The following SMCHD1 variants were observed in gnomAD, a reference collection of about 807,000 sequenced individuals.
The protein encoded by SMCHD1 is structural maintenance of chromosomes flexible hinge domain containing 1, also known as structural maintenance of chromosomes flexible hinge domain-containing protein 1.
A neutral mutation model predicts 254.7 loss-of-function variants in SMCHD1; 78 were observed. The observed-to-expected ratio is 0.31, with a 90% confidence interval of 0.26 to 0.37. The LOEUF (loss-of-function observed/expected upper bound fraction) is 0.37. Among genes scored for constraint, SMCHD1 ranks in the 10% least tolerant of loss-of-function variants. The pLI is 1.00. For synonymous variants in SMCHD1, 766 were observed against 794.9 expected, an observed-to-expected ratio of 0.96 and a Z score of 0.61; for missense variants, 1,840 against 2,408.1, an observed-to-expected ratio of 0.76 and a Z score of 4.94.
chr18:2,664,526 G>A (rs1343905408), intron 1 of SMCHD1, among the ~76,000 whole-genome samples: 1 of 152,036 alleles, frequency 6.6e-6, no homozygotes, highest in Non-Finnish European at 1.5e-5. Context: ...TACTTAATTT[G>A]TTTTATCTCC....
chr18:2,793,646 G>C (rs541516824), intron 45 of SMCHD1, among the ~76,000 whole-genome samples: 1 of 84,906 alleles, frequency 1.2e-5, no homozygotes, highest in East Asian at 7.8e-4. Flanking sequence ...GCCTGGGCGA[G>C]ACTCCGTCTC....
intron 45 of SMCHD1, among the ~76,000 whole-genome samples, chr18:2,789,071 G>T (rs1345714761): frequency 6.6e-6 from 1 of 152,164 alleles, no homozygotes; most frequent in African/African-American, 2.4e-5. Flanking sequence ...CCAGGCTGGA[G>T]TGCAGTGGCA....
At chr18:2,701,154 A>ATT in intron 12 of SMCHD1, 6 of 281,790 alleles carry the variant, frequency 2.1e-5, no homozygotes, top group Non-Finnish European at 3.2e-5. Context: ...TATCTTCATT[A>ATT]GTTTTTTTTG....
chr18:2,739,773 A>T (rs1051990729), intron 27 of SMCHD1, among the ~76,000 whole-genome samples: 2 of 152,180 alleles, frequency 1.3e-5, no homozygotes, highest in Non-Finnish European at 2.9e-5. Flanking sequence ...TAATATTACT[A>T]GTTAGAAGTT....
intron 37 of SMCHD1, among the ~76,000 whole-genome samples, chr18:2,768,905 T>C (rs999463828): frequency 4.6e-5 from 7 of 152,204 alleles, no homozygotes; most frequent in Admixed American, 4.6e-4. Context: ...AATGGTGGGC[T>C]TGTATTCTAT....
intron 7 of SMCHD1, among the ~76,000 whole-genome samples, chr18:2,690,624 A>G (rs975047602): frequency 6.7e-6 from 1 of 149,780 alleles, no homozygotes; most frequent in Non-Finnish European, 1.5e-5. Flanking sequence ...GGCACATGCC[A>G]CCACACCTGG....
chr18:2,725,197 T>C (rs949978129), intron 21 of SMCHD1, among the ~76,000 whole-genome samples: 1 of 152,048 alleles, frequency 6.6e-6, no homozygotes, highest in Admixed American at 6.6e-5. Flanking sequence ...ACTACTGTTG[T>C]TGATTAAACA....
At chr18:2,704,006 A>G (rs2074459689) in intron 13 of SMCHD1, 120 bp downstream of exon 13, 9 of 712,924 alleles carry the variant, frequency 1.3e-5, no homozygotes, top group East Asian at 3.2e-5. Context: ...TCCCATTCTC[A>G]CATTTCATGA....
chr18:2,767,584 C>CTTTTTTTTTTTTTTTTTTTTTTTTTTT (rs397858216), intron 37 of SMCHD1, among the ~76,000 whole-genome samples: 1 of 89,250 alleles, frequency 1.1e-5, no homozygotes, highest in Non-Finnish European at 2.0e-5. Context: ...AACCTATTTC[C>CTTTTTTTTTTTTTTTTTTTTTTTTTTT]TTTTTTTTTT....
rs1004414936 is a variant in SMCHD1, at chr18:2,656,029, G to C, written c.-47G>C. ...CGCGCGGAGCGCGCACCTCAGCCCTGAGCCCGGCGGCGGCAGGCGTCGCTG... is the reference window on the plus strand; with the variant it reads ...CGCGCGGAGCGCGCACCTCAGCCCTCAGCCCGGCGGCGGCAGGCGTCGCTG... On this transcript the variant is annotated 5_prime_UTR_variant, in exon 1 of 48. Transcript: ENST00000320876. 7.7e-6 allele frequency: 10 copies of C among 1,303,970 alleles called. No individual in the cohort carries two copies. In the South Asian group the frequency reaches 1.8e-4, roughly 24 times the overall value. 80.8% of individuals were successfully genotyped at this position (1,303,970 alleles called of 1,614,324 possible).
At chr18:2,778,296 C>A (rs891605632) in intron 44 of SMCHD1, 57 bp downstream of exon 44, 11 of 1,195,430 alleles carry the variant, frequency 9.2e-6, no homozygotes, top group African/African-American at 3.0e-5. Context: ...TGTATCATGT[C>A]CATTTGATGA....
chr18:2,764,931 T>C (rs2075842367), intron 37 of SMCHD1, among the ~76,000 whole-genome samples: 1 of 152,164 alleles, frequency 6.6e-6, no homozygotes, highest in South Asian at 2.1e-4. Flanking sequence ...TTTAAGCCTT[T>C]TGGTAGTTAC....
At position 2,771,637 on chromosome 18, in the gene SMCHD1, C is replaced by A; in HGVS notation, c.5052+19C>A. 3 of 1,472,444 alleles carry A rather than the reference C, an allele frequency of 2.0e-6. No homozygotes were observed. The highest frequency in any genetic ancestry group is 2.7e-6 in the Non-Finnish European group (3 of 1,113,548). The allele number at this position is 1,472,444 out of a possible 1,614,324, so 91.2% of individuals were successfully genotyped here. A position where few individuals can be genotyped will look rare whatever the true frequency, so the allele number is the denominator to read the frequency against. ...ACAACAGGTACAGCTTCCAACTATA[C>A]GTGAAAGATTTTTTATTAAAGTCTA... On this transcript the variant is annotated intron_variant, in intron 40 of 47. Transcript: ENST00000320876.
At chr18:2,775,081 T>A (rs910016934) in intron 41 of SMCHD1, among the ~76,000 whole-genome samples, 2 of 129,272 alleles carry the variant, frequency 1.5e-5, no homozygotes, top group African/African-American at 7.0e-5. Flanking sequence ...TTTTTTTTTT[T>A]TTTTTTTTTT....
At chr18:2,659,930 G>C (rs2073197156) in intron 1 of SMCHD1, among the ~76,000 whole-genome samples, 1 of 152,156 alleles carries the variant, frequency 6.6e-6, no homozygotes, top group African/African-American at 2.4e-5. Context: ...ATTACCTGTT[G>C]TTCAGAGATA....
rs764939926 is a variant in SMCHD1, at chr18:2,802,597, T to TG, written c.*46dup. On this transcript the variant is annotated 3_prime_UTR_variant, in exon 48 of 48. Transcript: ENST00000320876. ...GCCATTGGTCTCAGTAAGAATGCCC[T>TG]GCTTTCTGCATCTCTGTTTCAGAAG... 8.3e-5 allele frequency: 126 copies of TG among 1,510,940 alleles called. No homozygotes were observed. In the Middle Eastern group the frequency reaches 4.1e-3, roughly 49 times the overall value. 93.6% of individuals were successfully genotyped at this position (1,510,940 alleles called of 1,614,324 possible).
In SMCHD1 at chr18:2,744,423, GT is replaced by G. The variant is rs1225075905; in HGVS notation, c.3801+507del. Among the ~76,000 whole-genome samples, 568 of 141,986 alleles carry G rather than the reference GT, an allele frequency of 4.0e-3. 1 individual carries two copies. The highest frequency in any genetic ancestry group is 0.011 in the African/African-American group (444 of 38,872). 93.1% of individuals were successfully genotyped at this position (141,986 alleles called of 152,430 possible). On this transcript the variant is annotated intron_variant, in intron 29 of 47. Coordinates refer to ENST00000320876, the MANE Select transcript of SMCHD1 (RefSeq NM_015295.3). ...AATTTTGTAAATGTCTGTCAAATCT[GT>G]TTTTTTTTTTTACTGAAGTTTCAGA... is the stretch of plus-strand genomic sequence containing the variant.
chr18:2,756,047 A>G (rs544458933), intron 34 of SMCHD1, among the ~76,000 whole-genome samples: 1 of 152,258 alleles, frequency 6.6e-6, no homozygotes, highest in Admixed American at 6.5e-5. Flanking sequence ...TTCATTTCTA[A>G]GTCTTAATTA....
rs1283454003 is a variant in SMCHD1, at chr18:2,804,896, T to G, written c.*2344T>G. 1 of 152,238 alleles carries G rather than the reference T, an allele frequency of 6.6e-6. No homozygotes were observed. The highest frequency in any genetic ancestry group is 1.5e-5 in the Non-Finnish European group (1 of 68,028). The allele number at this position is 152,238 out of a possible 1,614,324, so 9.4% of individuals were successfully genotyped here. A position where few individuals can be genotyped will look rare whatever the true frequency, so the allele number is the denominator to read the frequency against. On this transcript the variant is annotated 3_prime_UTR_variant, in exon 48 of 48. Transcript: ENST00000320876. The stretch of plus-strand genomic sequence containing the variant: ...GTGTTATGTGTTATATAATCTGAAA[T>G]TTGTCACAATGTTACAATCAGGAAG...
Sources: gnomAD v4.1 joint callset for allele counts (sites outside exome capture counted in the v4.1 genomes callset) on GRCh38, gnomAD v4.1.1 for gene constraint, MANE v1.5 for transcripts, NCBI Gene and HGNC (gene_info 2026-07-23, HGNC 2026-07-21) for gene names.